The following TINAG variants were observed in gnomAD, a reference collection of about 807,000 sequenced individuals.
TINAG encodes the protein tubulointerstitial nephritis antigen.
Under a neutral mutation model 72.7 loss-of-function variants are expected in TINAG, and 83 were observed. The observed-to-expected ratio is 1.14, with a 90% CI of 0.96 to 1.37. The LOEUF (loss-of-function observed/expected upper bound fraction) is 1.37, where lower values mean the gene tolerates loss of function less well. Ranked by LOEUF, TINAG falls within the 40% of genes most tolerant of loss-of-function variation. The pLI, the probability that TINAG is intolerant of heterozygous loss-of-function variation, is 0.00. For synonymous variants in TINAG, 234 were observed against 189.9 expected (o/e 1.23, Z -1.91); for missense variants, 685 against 576.6 (o/e 1.19, Z -1.93).
intron 9 of TINAG, among the ~76,000 whole-genome samples, chr6:54,364,164 G>A (rs1020646541): frequency 1.3e-5 from 2 of 151,274 alleles, no homozygotes; most frequent in Non-Finnish European, 3.0e-5. Flanking sequence ...GATAACCAGG[G>A]GAACCCAAAG....
At chr6:54,330,458 G>A (rs931657145) in intron 4 of TINAG, among the ~76,000 whole-genome samples, 2 of 152,178 alleles carry the variant, frequency 1.3e-5, no homozygotes, top group Non-Finnish European at 2.9e-5. Flanking sequence ...CTAAAACAGT[G>A]TTTAGAGGGA....
chr6:54,350,184 CAATT>C (rs1339410089), intron 7 of TINAG, among the ~76,000 whole-genome samples: 3 of 150,078 alleles, frequency 2.0e-5, no homozygotes, highest in African/African-American at 7.3e-5. Flanking sequence ...TTGAACTTGA[CAATT>C]AAAAGTTAAG....
chr6:54,313,521 C>T (rs1267640517), intron 1 of TINAG, among the ~76,000 whole-genome samples: 2 of 152,044 alleles, frequency 1.3e-5, no homozygotes, highest in South Asian at 2.1e-4. Flanking sequence ...AACAACTGTT[C>T]TAAGCACTTT....
chr6:54,336,061 T>C (rs559512594), intron 4 of TINAG, among the ~76,000 whole-genome samples: 3 of 152,220 alleles, frequency 2.0e-5, no homozygotes, highest in African/African-American at 7.2e-5. Context: ...GTTTCCTGGC[T>C]TCATTCCTTT....
chr6:54,367,360 A>G (rs1007858511), intron 9 of TINAG, among the ~76,000 whole-genome samples: 1 of 151,786 alleles, frequency 6.6e-6, no homozygotes, highest in Non-Finnish European at 1.5e-5. Flanking sequence ...AAGTAAAAGG[A>G]ATGTTTTCCT....
chr6:54,308,676 G>T lies in TINAG; in HGVS notation c.126G>T (p.Leu42Phe). ...EAYFTRNHTV[L>F]QGTRFKRAIF... ...ATTTCACTAGGAATCACACCGTTTT[G>T]CAAGGTACTCGATTCAAAAGAGCCA... The change falls in exon 1 of 11, where the codon TTG (leucine) becomes TTT (phenylalanine). Residue 42 changes from leucine to phenylalanine, a missense_variant. Transcript: ENST00000259782. 1.2e-6 allele frequency: 2 copies of T among 1,613,848 alleles called. No homozygotes were observed. Among genetic ancestry groups the T allele is most frequent in the South Asian group, 1.1e-5 (1 of 91,082 alleles).
At chr6:54,355,637 A>G (rs1763012842) in intron 9 of TINAG, among the ~76,000 whole-genome samples, 1 of 151,966 alleles carries the variant, frequency 6.6e-6, no homozygotes, top group Non-Finnish European at 1.5e-5. Context: ...ATATGAAAAT[A>G]CATGTATCTT....
intron 9 of TINAG, among the ~76,000 whole-genome samples, chr6:54,356,419 C>G (rs1763043171): frequency 6.6e-6 from 1 of 151,820 alleles, no homozygotes; most frequent in Non-Finnish European, 1.5e-5. Context: ...CACCTGTAAT[C>G]CCAGCTACTC....
chr6:54,312,930 G>A (rs1295452967), intron 1 of TINAG, among the ~76,000 whole-genome samples: 1 of 151,946 alleles, frequency 6.6e-6, no homozygotes, highest in East Asian at 1.9e-4. Flanking sequence ...TCTCTGCCGG[G>A]GTCAGTATGT....
intron 10 of TINAG, among the ~76,000 whole-genome samples, chr6:54,384,713 CAT>C: frequency 6.9e-6 from 1 of 144,866 alleles, no homozygotes; most frequent in East Asian, 1.9e-4. Flanking sequence ...TCCAAAAAAA[CAT>C]ACACCAAAAG....
Position 54,380,577 on chromosome 6 carries a change from TA to T in TINAG, c.1296+8del, listed in dbSNP as rs770825282. ...GGCAGAAAGAAAAATTTTGGGTATGTAACTCTTTCCAGTTGAATTCCTGCTG... is the reference window on the plus strand; with the variant it reads ...GGCAGAAAGAAAAATTTTGGGTATGTACTCTTTCCAGTTGAATTCCTGCTG... On this transcript the variant is annotated splice_region_variant and intron_variant, in intron 10 of 10. Coordinates refer to ENST00000259782, the MANE Select transcript of TINAG (RefSeq NM_014464.4). 1 of 1,608,998 alleles carries T rather than the reference TA, an allele frequency of 6.2e-7. No homozygotes were observed.
At chr6:54,373,874 C>A (rs1028718737) in intron 9 of TINAG, among the ~76,000 whole-genome samples, 5 of 152,082 alleles carry the variant, frequency 3.3e-5, no homozygotes, top group Admixed American at 6.6e-5. Flanking sequence ...CTTAAAGTTT[C>A]TCTTCATAAG....
chr6:54,337,246 ATTTTTTTTTTT>A lies in TINAG; in HGVS notation c.625-5966_625-5956del, dbSNP rs34286210. Among the ~76,000 whole-genome samples the A allele has an allele frequency of 4.7e-4, 44 of 94,082 alleles. 1 individual carries two copies. The South Asian group carries it at 0.014, about 29-fold the overall frequency. The allele number at this position is 94,082 out of a possible 152,430, so 61.7% of individuals were successfully genotyped here. A position where few individuals can be genotyped will look rare whatever the true frequency, so the allele number is the denominator to read the frequency against. On this transcript the variant is annotated intron_variant, in intron 4 of 10. Transcript: ENST00000259782. ...AGTTTCTACTGTTCATGGGATTTGAATTTTTTTTTTTTTTTTTTTTTTTTGAGACAGAGTCT... is the reference window on the plus strand; with the variant it reads ...AGTTTCTACTGTTCATGGGATTTGAATTTTTTTTTTTTTGAGACAGAGTCT...
chr6:54,314,922 A>G (rs1784338101), intron 1 of TINAG, among the ~76,000 whole-genome samples: 1 of 152,158 alleles, frequency 6.6e-6, no homozygotes, highest in Non-Finnish European at 1.5e-5. Context: ...TAATCATTTT[A>G]CTTTGTAGCA....
intron 4 of TINAG, among the ~76,000 whole-genome samples, chr6:54,332,474 G>A (rs1284528521): frequency 6.6e-6 from 1 of 152,174 alleles, no homozygotes; most frequent in African/African-American, 2.4e-5. Context: ...AACTCAAGAT[G>A]AATTAAAGAC....
At chr6:54,358,652 T>A (rs954231106) in intron 9 of TINAG, among the ~76,000 whole-genome samples, 3 of 151,866 alleles carry the variant, frequency 2.0e-5, no homozygotes, top group Admixed American at 1.3e-4. Context: ...TTTGCTGTTA[T>A]CCTGGGAGTT....
At chr6:54,358,980 G>A (rs536309393) in intron 9 of TINAG, among the ~76,000 whole-genome samples, 15 of 151,874 alleles carry the variant, frequency 9.9e-5, no homozygotes, top group African/African-American at 2.9e-4. Context: ...CAGGTCCAGT[G>A]GTGCAGGGGA....
At chr6:54,329,366 G>A (rs1387869671) in intron 4 of TINAG, among the ~76,000 whole-genome samples, 1 of 152,038 alleles carries the variant, frequency 6.6e-6, no homozygotes, top group Non-Finnish European at 1.5e-5. Context: ...TTCATATCCA[G>A]ACAAACTAAC....
At chr6:54,386,669 G>C (rs1764108078) in intron 10 of TINAG, among the ~76,000 whole-genome samples, 2 of 151,908 alleles carry the variant, frequency 1.3e-5, no homozygotes, top group East Asian at 1.9e-4. Flanking sequence ...AGCCACATTT[G>C]GTCCACGAGC....
Sources: gnomAD v4.1 joint callset for allele counts (sites outside exome capture counted in the v4.1 genomes callset) on GRCh38, gnomAD v4.1.1 for gene constraint, MANE v1.5 for transcripts, NCBI Gene and HGNC (gene_info 2026-07-23, HGNC 2026-07-21) for gene names.